GRID2: variants seen among roughly 807,000 people sequenced by gnomAD.
The protein encoded by GRID2 is glutamate receptor ionotropic, delta-2.
A neutral mutation model predicts 114.8 loss-of-function variants in GRID2; 33 were observed. That is an observed-to-expected ratio of 0.29 (90% CI 0.22 to 0.38). The LOEUF is 0.38. Ranked by LOEUF, GRID2 falls within the 10% of genes least tolerant of loss-of-function variation. The pLI is 1.00. For synonymous variants in GRID2, 505 were observed against 449.9 expected, an observed-to-expected ratio of 1.12 and a Z score of -1.55; for missense variants, 1,184 against 1,257.7, an observed-to-expected ratio of 0.94 and a Z score of 0.89.
At chr4:93,412,117 A>T (rs953843691) in intron 9 of GRID2, among the ~76,000 whole-genome samples, 5 of 144,850 alleles carry the variant, frequency 3.5e-5, no homozygotes, top group African/African-American at 1.0e-4. Context: ...AGATAGACTT[A>T]AAAAAAAAAA....
At chr4:93,475,527 G>A (rs555751417) in intron 11 of GRID2, among the ~76,000 whole-genome samples, 14 of 152,070 alleles carry the variant, frequency 9.2e-5, no homozygotes, top group African/African-American at 3.4e-4. Flanking sequence ...GCTTAAAAAT[G>A]TATTTTAGAC....
intron 8 of GRID2, among the ~76,000 whole-genome samples, chr4:93,251,183 AT>A (rs1748878399): frequency 6.6e-6 from 1 of 152,152 alleles, no homozygotes; most frequent in African/African-American, 2.4e-5. Context: ...ATAGTTCTGT[AT>A]TTAAATGTTT....
At chr4:93,243,346 C>T (rs1747765905) in intron 8 of GRID2, among the ~76,000 whole-genome samples, 2 of 151,956 alleles carry the variant, frequency 1.3e-5, no homozygotes, top group Admixed American at 1.3e-4. Context: ...TTCAAAGATA[C>T]TTATGAAAGG....
chr4:92,646,726 A>G (rs1333146331), intron 2 of GRID2, among the ~76,000 whole-genome samples: 1 of 152,248 alleles, frequency 6.6e-6, no homozygotes, highest in Admixed American at 6.5e-5. Flanking sequence ...TCTATTCAAT[A>G]TCTTCATGAA....
At chr4:92,922,209 C>T (rs562001779) in intron 2 of GRID2, among the ~76,000 whole-genome samples, 38 of 152,270 alleles carry the variant, frequency 2.5e-4, no homozygotes, top group South Asian at 1.0e-3. Context: ...CACAGTATTA[C>T]GATGGGAGTG....
intron 4 of GRID2, among the ~76,000 whole-genome samples, chr4:93,122,160 GC>G (rs1278749852): frequency 1.3e-5 from 2 of 151,744 alleles, no homozygotes; most frequent in Non-Finnish European, 2.9e-5. Context: ...TTAAAAGAAT[GC>G]TTCTTACTCC....
intron 1 of GRID2, among the ~76,000 whole-genome samples, chr4:92,338,410 T>C (rs566838346): frequency 9.5e-4 from 145 of 152,268 alleles, no homozygotes; most frequent in African/African-American, 3.1e-3. Flanking sequence ...CTTTTAAAGG[T>C]CTAAATATTG....
In GRID2 at chr4:92,830,294, G is replaced by GT. The variant is rs58306762; in HGVS notation, c.244+240022dup. ...AAGTAGGACAACTGGGATTTACATT[G>GT]TTTTTTTTTTTTTTATTCTGAAAGA... On this transcript the variant is annotated intron_variant, in intron 2 of 15. Transcript: ENST00000282020. Among the ~76,000 whole-genome samples the GT allele has an allele frequency of 5.5e-3, 751 of 137,364 alleles. 1 individual carries two copies. Among genetic ancestry groups the GT allele is most frequent in the Middle Eastern group, 0.011 (3 of 268 alleles). 90.1% of individuals were successfully genotyped at this position (137,364 alleles called of 152,430 possible).
intron 1 of GRID2, among the ~76,000 whole-genome samples, chr4:92,383,682 C>A (rs1729726589): frequency 6.6e-6 from 1 of 151,910 alleles, no homozygotes; most frequent in African/African-American, 2.4e-5. Flanking sequence ...TCCTCTTCCT[C>A]TTCTTTCTTT....
At chr4:92,816,811 T>TA (rs1740945675) in intron 2 of GRID2, among the ~76,000 whole-genome samples, 1 of 152,168 alleles carries the variant, frequency 6.6e-6, no homozygotes, top group Non-Finnish European at 1.5e-5. Flanking sequence ...ATTAACAACT[T>TA]ACAAAGCTCT....
intron 2 of GRID2, among the ~76,000 whole-genome samples, chr4:92,901,350 C>T (rs1747570410): frequency 6.6e-6 from 1 of 151,998 alleles, no homozygotes; most frequent in Non-Finnish European, 1.5e-5. Context: ...TTTTCATATG[C>T]TTGTTGTTGC....
At chr4:93,437,159 T>C (rs1376742093) in intron 10 of GRID2, among the ~76,000 whole-genome samples, 2 of 152,116 alleles carry the variant, frequency 1.3e-5, no homozygotes, top group Non-Finnish European at 2.9e-5. Flanking sequence ...AGCACTGATA[T>C]AGAGCTTACT....
intron 8 of GRID2, among the ~76,000 whole-genome samples, chr4:93,329,911 A>G (rs200814123): frequency 1.8e-5 from 1 of 56,906 alleles, no homozygotes; most frequent in Non-Finnish European, 3.3e-5. Context: ...ACTTATTGCG[A>G]AAAAAAAAAA....
At chr4:92,889,553 A>G (rs1318120362) in intron 2 of GRID2, among the ~76,000 whole-genome samples, 3 of 152,188 alleles carry the variant, frequency 2.0e-5, no homozygotes, top group Non-Finnish European at 1.5e-5. Context: ...ATCTAGGAAT[A>G]CAACTTACAC....
At chr4:93,546,869 A>C (rs1733270259) in intron 13 of GRID2, among the ~76,000 whole-genome samples, 1 of 152,030 alleles carries the variant, frequency 6.6e-6, no homozygotes, top group Non-Finnish European at 1.5e-5. Flanking sequence ...CCTGGTACCT[A>C]CTCTTTTCTG....
chr4:93,587,967 A>G (rs1201810594), intron 13 of GRID2, among the ~76,000 whole-genome samples: 1 of 152,176 alleles, frequency 6.6e-6, no homozygotes, highest in East Asian at 1.9e-4. Context: ...GGATGATCCA[A>G]GAATCCAGAG....
chr4:93,795,711 C>T (rs567686995), intron 1 of GRID2, among the ~76,000 whole-genome samples: 2 of 152,262 alleles, frequency 1.3e-5, no homozygotes, highest in Non-Finnish European at 2.9e-5. Flanking sequence ...TCCCAAATTA[C>T]GGGATTAATC....
intron 14 of GRID2, among the ~76,000 whole-genome samples, chr4:93,764,812 AGCAAATACTGCCATCTTGTGGAAATT>A (rs1413799442): frequency 6.6e-6 from 1 of 152,188 alleles, no homozygotes; most frequent in Non-Finnish European, 1.5e-5. Context: ...GCTCTCTATG[AGCAAATACTGCCATCTTGTGGAAATT>A]GCACGCCAAA....
intron 2 of GRID2, among the ~76,000 whole-genome samples, chr4:92,910,582 A>G (rs900119241): frequency 1.3e-5 from 2 of 152,140 alleles, no homozygotes; most frequent in Non-Finnish European, 2.9e-5. Flanking sequence ...AGGGAGGAGA[A>G]GGTAGTGCTA....
Sources: gnomAD v4.1 joint callset for allele counts (sites outside exome capture counted in the v4.1 genomes callset) on GRCh38, gnomAD v4.1.1 for gene constraint, MANE v1.5 for transcripts, NCBI Gene and HGNC (gene_info 2026-07-23, HGNC 2026-07-21) for gene names.